Variants in OPHN1 observed in about 807,000 individuals in gnomAD.
OPHN1 encodes the protein oligophrenin 1.
A neutral mutation model predicts 60.7 loss-of-function variants in OPHN1; 11 were observed. The observed-to-expected ratio is 0.18, with a 90% CI of 0.11 to 0.30. OPHN1 has a LOEUF of 0.30. Ranked by LOEUF, OPHN1 falls within the 10% of genes least tolerant of loss-of-function variation. The pLI, the probability that OPHN1 is intolerant of heterozygous loss-of-function variation, is 1.00. For missense variants in OPHN1, 449 were observed against 611.0 expected, an observed-to-expected ratio of 0.73 and a Z score of 2.80; for synonymous variants, 226 against 222.6, an observed-to-expected ratio of 1.02 and a Z score of -0.14.
chrX:68,294,366 G>A (rs1220449254), intron 3 of OPHN1, among the ~76,000 whole-genome samples: 3 of 107,042 alleles, frequency 2.8e-5, no homozygotes, highest in Admixed American at 1.0e-4. Context: ...CCAGCTACTC[G>A]GGAGGCCGAG....
chrX:68,280,935 A>G (rs1431929403), intron 4 of OPHN1, among the ~76,000 whole-genome samples: 1 of 112,216 alleles, frequency 8.9e-6, no homozygotes, highest in Non-Finnish European at 1.9e-5. Flanking sequence ...GAAAAAAATC[A>G]AAAAAGATAT....
intron 20 of OPHN1, among the ~76,000 whole-genome samples, chrX:68,067,630 C>G (rs1287159993): frequency 9.0e-6 from 1 of 111,000 alleles, no homozygotes; most frequent in Non-Finnish European, 1.9e-5. Context: ...GAAAGACAAG[C>G]TAGGGGACCG....
chrX:68,189,736 C>T (rs1431612653), intron 15 of OPHN1, among the ~76,000 whole-genome samples: 2 of 111,496 alleles, frequency 1.8e-5, no homozygotes, highest in Non-Finnish European at 3.8e-5. Context: ...CAACCAACAG[C>T]GTGATTGAAA....
rs749533879 is a variant in OPHN1 at position 68,167,680 on chromosome X, T to A, written c.1276+25239A>T. ...ATGTATACATATATATGCATACACA[T>A]GTATATATGTATATATACACATATG... On this transcript the variant is annotated intron_variant, in intron 15 of 24. Transcript: ENST00000355520. 3.0e-5 allele frequency among the ~76,000 whole-genome samples: 3 copies of A among 100,158 alleles called. No individual in the cohort carries two copies. In the South Asian group the frequency reaches 1.3e-3, roughly 43 times the overall value. The allele number at this position is 100,158 out of a possible 115,157, so 87.0% of individuals were successfully genotyped here.
intron 3 of OPHN1, among the ~76,000 whole-genome samples, chrX:68,289,171 C>T (rs1179668386): frequency 3.6e-5 from 4 of 111,144 alleles, no homozygotes. Flanking sequence ...TAGCAACATC[C>T]CCTGCCGCAA....
intron 2 of OPHN1, among the ~76,000 whole-genome samples, chrX:68,336,653 CGTGTGTGTGTGTGTGTGAGAGTGTGT>C (rs934124450): frequency 3.3e-5 from 3 of 91,865 alleles, no homozygotes; most frequent in African/African-American, 1.6e-4. Context: ...TATGTGTGTA[CGTGTGTGTGTGTGTGTGAGAGTGTGT>C]GTGTGTGTGT....
At chrX:68,140,606 C>G (rs1045351964) in intron 15 of OPHN1, among the ~76,000 whole-genome samples, 4 of 109,672 alleles carry the variant, frequency 3.6e-5, no homozygotes, top group Admixed American at 9.8e-5. Context: ...AAACAGCTGA[C>G]CCCTGAAGGG....
intron 2 of OPHN1, among the ~76,000 whole-genome samples, chrX:68,358,975 A>G (rs1473510728): frequency 8.9e-6 from 1 of 111,757 alleles, no homozygotes; most frequent in African/African-American, 3.2e-5. Context: ...ATCATTTTCT[A>G]TTCTCTCAAA....
rs1272656406 is a variant in OPHN1, at chrX:68,106,073, G to A, written c.1526+5781C>T. 9.0e-5 allele frequency among the ~76,000 whole-genome samples: 9 copies of A among 99,508 alleles called. No homozygotes were observed. The East Asian group carries it at 1.0e-3, about 11-fold the overall frequency. 86.4% of individuals were successfully genotyped at this position (99,508 alleles called of 115,157 possible). A position where few individuals can be genotyped will look rare whatever the true frequency, so the allele number is the denominator to read the frequency against. On this transcript the variant is annotated intron_variant, in intron 18 of 24. Transcript: ENST00000355520. ...AAATGCATGCACACACACACACAAC[G>A]AGAGAGAGAAAAAGAGGGAGAGAGA...
intron 2 of OPHN1, among the ~76,000 whole-genome samples, chrX:68,301,002 A>G (rs1370282360): frequency 1.8e-5 from 2 of 111,736 alleles, no homozygotes; most frequent in Non-Finnish European, 3.8e-5. Flanking sequence ...TTAAAACACT[A>G]TATCTACAAA....
intron 15 of OPHN1, among the ~76,000 whole-genome samples, chrX:68,175,393 G>A (rs901755434): frequency 9.0e-5 from 10 of 110,529 alleles, no homozygotes; most frequent in Admixed American, 6.8e-4. Flanking sequence ...AGAGTTGCTG[G>A]AAAAGAAATG....
intron 5 of OPHN1, among the ~76,000 whole-genome samples, chrX:68,259,374 C>T (rs2077882272): frequency 9.0e-6 from 1 of 110,715 alleles, no homozygotes; most frequent in African/African-American, 3.3e-5. Context: ...TTGCTTGAGC[C>T]TGGGAGTTTA....
intron 15 of OPHN1, among the ~76,000 whole-genome samples, chrX:68,172,075 T>G (rs1191689329): frequency 8.9e-6 from 1 of 111,912 alleles, no homozygotes; most frequent in Non-Finnish European, 1.9e-5. Flanking sequence ...CTCACAAAGC[T>G]AAACATAAAT....
At chrX:68,323,048 G>A (rs762672447) in intron 2 of OPHN1, among the ~76,000 whole-genome samples, 137 of 111,436 alleles carry the variant, frequency 1.2e-3, no homozygotes, top group Non-Finnish European at 5.5e-4. Context: ...TGAATATAAA[G>A]GGGTAGCATG....
intron 21 of OPHN1, among the ~76,000 whole-genome samples, chrX:68,060,612 T>C (rs1425351146): frequency 4.4e-5 from 5 of 112,363 alleles, no homozygotes; most frequent in African/African-American, 1.6e-4. Context: ...TTATTTTTAA[T>C]TGCTGAGAAA....
At chrX:68,154,897 A>T (rs942580580) in intron 15 of OPHN1, among the ~76,000 whole-genome samples, 1 of 110,163 alleles carries the variant, frequency 9.1e-6, no homozygotes, top group African/African-American at 3.3e-5. Context: ...ACACACACAT[A>T]AACGGAGTAG....
At chrX:68,377,866 T>C (rs1451620318) in intron 2 of OPHN1, among the ~76,000 whole-genome samples, 1 of 111,911 alleles carries the variant, frequency 8.9e-6, no homozygotes, top group East Asian at 2.8e-4. Context: ...GTCTTTGCTA[T>C]TGTGAATAAT....
At chrX:68,171,082 GTAA>G (rs932444861) in intron 15 of OPHN1, among the ~76,000 whole-genome samples, 2 of 110,614 alleles carry the variant, frequency 1.8e-5, no homozygotes, top group Admixed American at 9.7e-5. Flanking sequence ...ATTATAGTTA[GTAA>G]TAATCTAATT....
intron 2 of OPHN1, among the ~76,000 whole-genome samples, chrX:68,410,534 C>G (rs927535698): frequency 5.5e-5 from 6 of 108,200 alleles, no homozygotes; most frequent in Non-Finnish European, 1.1e-4. Context: ...TGCACTCCAC[C>G]CTGGATGACA....
Sources: gnomAD v4.1 joint callset for allele counts (sites outside exome capture counted in the v4.1 genomes callset) on GRCh38, gnomAD v4.1.1 for gene constraint, MANE v1.5 for transcripts, NCBI Gene and HGNC (gene_info 2026-07-23, HGNC 2026-07-21) for gene names.